Variants in AK9 observed in about 807,000 individuals in gnomAD.
The protein encoded by AK9 is adenylate kinase domain containing 1.
In AK9, 191 loss-of-function variants were observed where a neutral mutation model predicts 239.6. The observed-to-expected ratio is 0.80, with a 90% CI of 0.71 to 0.90. AK9 has a LOEUF of 0.90. AK9 is among the 40% of genes least tolerant of loss of function. The pLI, the probability that AK9 is intolerant of heterozygous loss-of-function variation, is 0.00. For synonymous variants in AK9, 689 were observed against 721.0 expected (o/e 0.96, Z 0.71); for missense variants, 1,995 against 2,214.7 (o/e 0.90, Z 1.99).
chr6:109,676,596 G>A (rs915776266), intron 1 of AK9, among the ~76,000 whole-genome samples: 1 of 151,592 alleles, frequency 6.6e-6, no homozygotes, highest in South Asian at 2.1e-4. Context: ...GAAAAAAATA[G>A]TGATAAAAGT....
chr6:109,686,221 C>G (rs1773485985), intron 1 of AK9, among the ~76,000 whole-genome samples: 1 of 152,168 alleles, frequency 6.6e-6, no homozygotes, highest in Non-Finnish European at 1.5e-5. Context: ...CAGGAAGTTG[C>G]AAGTGTCCCG....
At chr6:109,683,277 C>A (rs1772956473) in intron 1 of AK9, among the ~76,000 whole-genome samples, 1 of 152,130 alleles carries the variant, frequency 6.6e-6, no homozygotes, top group Non-Finnish European at 1.5e-5. Flanking sequence ...TTATGACAAG[C>A]CCACAGCCAA....
intron 28 of AK9, among the ~76,000 whole-genome samples, chr6:109,532,589 C>A (rs1343079934): frequency 3.9e-5 from 6 of 152,180 alleles, no homozygotes; most frequent in Non-Finnish European, 8.8e-5. Flanking sequence ...ATAGGTCATT[C>A]CTTCTTAATG....
chr6:109,639,274 T>C (rs1197351648), intron 10 of AK9, among the ~76,000 whole-genome samples: 1 of 152,240 alleles, frequency 6.6e-6, no homozygotes, highest in Non-Finnish European at 1.5e-5. Flanking sequence ...ACCAACGGTG[T>C]AAAAGTGTTC....
intron 26 of AK9, 132 bp downstream of exon 26, chr6:109,545,735 T>G: frequency 6.1e-6 from 7 of 1,140,930 alleles, no homozygotes; most frequent in Non-Finnish European, 8.5e-6. Flanking sequence ...CCAGGGAAGT[T>G]GAGGCTTTGG....
chr6:109,556,459 T>C (rs9374098), intron 24 of AK9, among the ~76,000 whole-genome samples: 88,442 of 151,920 alleles, frequency 0.58, 27,433 homozygotes, highest in East Asian at 0.84. Flanking sequence ...TTCATTTCAA[T>C]CTTGGAGAAT....
chr6:109,535,176 G>A (rs1044061159), intron 27 of AK9, among the ~76,000 whole-genome samples: 10 of 152,106 alleles, frequency 6.6e-5, no homozygotes, highest in Admixed American at 1.3e-4. Context: ...TTGAGGAATC[G>A]CCACACTGTC....
intron 38 of AK9, 57 bp from the exon 39 acceptor site, chr6:109,495,497 T>C: frequency 3.1e-6 from 4 of 1,294,744 alleles, no homozygotes; most frequent in East Asian, 2.3e-5. Context: ...TGTGTATAGA[T>C]AGGAATAGAC....
At chr6:109,537,018 G>C (rs1782097182) in intron 27 of AK9, among the ~76,000 whole-genome samples, 1 of 152,194 alleles carries the variant, frequency 6.6e-6, no homozygotes, top group South Asian at 2.1e-4. Flanking sequence ...GTATTTTACT[G>C]AGGATTTTTG....
Position 109,590,953 on chromosome 6 carries a change from A to C in AK9, c.1843-4881T>G, listed in dbSNP as rs7754118. On this transcript the variant is annotated intron_variant, in intron 17 of 40. Coordinates refer to ENST00000424296, the MANE Select transcript of AK9 (RefSeq NM_001145128.3). Reference sequence around the variant, plus strand: ...CTTGTGGCCTTGCATATGGTCATTTAAGAATGTTCCATGGGCAGATGAGAA... The same window carrying C: ...CTTGTGGCCTTGCATATGGTCATTTCAGAATGTTCCATGGGCAGATGAGAA... Among the ~76,000 whole-genome samples the C allele has an allele frequency of 6.6e-5, 10 of 152,016 alleles. No homozygotes were observed. The South Asian group carries it at 2.1e-3, about 31-fold the overall frequency.
chr6:109,678,625 T>C (rs1772108484), intron 1 of AK9, among the ~76,000 whole-genome samples: 1 of 151,984 alleles, frequency 6.6e-6, no homozygotes, highest in African/African-American at 2.4e-5. Context: ...AAATATTAAC[T>C]AGTTGCCGCC....
intron 10 of AK9, among the ~76,000 whole-genome samples, chr6:109,637,907 C>A (rs377619107): frequency 6.6e-6 from 1 of 152,150 alleles, no homozygotes; most frequent in African/African-American, 2.4e-5. Context: ...TGTAAAAATA[C>A]ATTTTCAGGT....
Position 109,509,298 on chromosome 6 carries a change from C to T in AK9, c.4362G>A (p.Pro1454=), listed in dbSNP as rs199865697. 261 of 1,551,578 alleles carry T rather than the reference C, an allele frequency of 1.7e-4. 1 individual carries two copies. The highest frequency in any genetic ancestry group is 2.1e-4 in the Non-Finnish European group (239 of 1,146,994). ...TTAACATAAGTGCCAGCTCTGTTTC[C>T]GGGTGATTGTTTAGTACATAACGCA... The part of the protein sequence containing the change: ...GALRYVLNNH[P]ETELALMLNW... Residue 1454 remains proline (P), a synonymous_variant, in exon 33 of 41, where the codon CCG becomes CCA. Transcript: ENST00000424296.
In AK9 at chr6:109,495,446, AAC is replaced by A. The variant is rs1402596247; in HGVS notation, c.5316-8_5316-7del. 1 of 1,606,046 alleles carries A rather than the reference AAC, an allele frequency of 6.2e-7. No individual in the cohort carries two copies. The highest frequency in any genetic ancestry group is 8.5e-7 in the Non-Finnish European group (1 of 1,174,338). ...CCCAGTATTTCAGTGGCGACCTAAG[AAC>A]ACAAAGTTCATTAGATGGATGCTCA... On this transcript the variant is annotated splice_region_variant and splice_polypyrimidine_tract_variant and intron_variant, in intron 38 of 40. Coordinates refer to ENST00000424296, the MANE Select transcript of AK9 (RefSeq NM_001145128.3).
chr6:109,586,851 G>A (rs1789564944), intron 17 of AK9, among the ~76,000 whole-genome samples: 1 of 152,132 alleles, frequency 6.6e-6, no homozygotes, highest in South Asian at 2.1e-4. Flanking sequence ...CACCAATTCT[G>A]AGAGCTTCAA....
chr6:109,506,317 G>A lies in AK9; in HGVS notation c.4849+10C>T. 6.2e-7 allele frequency: 1 copy of A among 1,608,566 alleles called. No homozygotes were observed. The highest frequency in any genetic ancestry group is 8.5e-7 in the Non-Finnish European group (1 of 1,175,974). On this transcript the variant is annotated intron_variant, in intron 35 of 40. Transcript: ENST00000424296. ...AATATTTTATTCTACCTTAAAAAGT[G>A]CTATCTTACCTGCTTTTATTCTTTC... is the stretch of plus-strand genomic sequence containing the variant.
At chr6:109,545,268 C>T (rs139504334) in intron 26 of AK9, among the ~76,000 whole-genome samples, 1 of 152,170 alleles carries the variant, frequency 6.6e-6, no homozygotes, top group African/African-American at 2.4e-5. Flanking sequence ...AGCAAGACCC[C>T]CATCTCTACA....
intron 29 of AK9, among the ~76,000 whole-genome samples, chr6:109,525,061 C>T (rs759471617): frequency 1.4e-4 from 22 of 152,188 alleles, no homozygotes; most frequent in Non-Finnish European, 3.1e-4. Flanking sequence ...AGAAAGGGGT[C>T]CAGGTTCATT....
At position 109,528,174 on chromosome 6, in the gene AK9, T is replaced by G. The variant is rs1409975494; in HGVS notation, c.3633+837A>C. 1.4e-5 allele frequency: 4 copies of G among 278,968 alleles called. No homozygotes were observed. The Admixed American group carries it at 1.5e-4, about 10-fold the overall frequency. The allele number at this position is 278,968 out of a possible 1,614,324, so 17.3% of individuals were successfully genotyped here. A position where few individuals can be genotyped will look rare whatever the true frequency, so the allele number is the denominator to read the frequency against. On this transcript the variant is annotated intron_variant, in intron 29 of 40. Coordinates refer to ENST00000424296, the MANE Select transcript of AK9 (RefSeq NM_001145128.3). ...CTGGACTCCTTCACTGCTGAAACAT[T>G]TGAAGTGATTCAGAAGGGGACCACT...
Sources: gnomAD v4.1 joint callset for allele counts (sites outside exome capture counted in the v4.1 genomes callset) on GRCh38, gnomAD v4.1.1 for gene constraint, MANE v1.5 for transcripts, NCBI Gene and HGNC (gene_info 2026-07-23, HGNC 2026-07-21) for gene names.